DHX9: variants seen among roughly 807,000 people sequenced by gnomAD.
DHX9 encodes DExH-box helicase 9, also known as ATP-dependent RNA helicase A.
A neutral mutation model predicts 148.7 loss-of-function variants in DHX9; 27 were observed. That is an observed-to-expected ratio of 0.18 (90% CI 0.13 to 0.25). The LOEUF is 0.25. Among genes scored for constraint, DHX9 ranks in the 10% least tolerant of loss-of-function variants. DHX9 has a pLI of 1.00. For missense variants in DHX9, 796 were observed against 1,559.6 expected (o/e 0.51, Z 8.25); for synonymous variants, 529 against 516.6 (o/e 1.02, Z -0.33).
rs529990184 is a variant in DHX9, at chr1:182,853,433, G to A, written c.477+15G>A. 23 of 1,569,842 alleles carry A rather than the reference G, an allele frequency of 1.5e-5. No homozygotes were observed. The highest frequency in any genetic ancestry group is 4.5e-5 in the East Asian group (2 of 44,448). ...AAGTGCAAGCGGTAAGGCCAGCACC[G>A]TAGGTTACATCTCTGAGAATGTGAT... On this transcript the variant is annotated intron_variant, in intron 5 of 27. Transcript: ENST00000367549.
intron 2 of DHX9, 62 bp from the exon 3 acceptor site, chr1:182,843,232 G>T: frequency 7.3e-7 from 1 of 1,376,828 alleles, no homozygotes; most frequent in South Asian, 1.7e-5. Flanking sequence ...ACTGAATTAC[G>T]ACTTTTTAAA....
intron 12 of DHX9, among the ~76,000 whole-genome samples, chr1:182,865,858 C>T (rs913116792): frequency 6.6e-6 from 1 of 152,212 alleles, no homozygotes; most frequent in African/African-American, 2.4e-5. Context: ...AAAGATCCAA[C>T]ACTTAAACAT....
chr1:182,868,332 C>T (rs893631998), intron 14 of DHX9, among the ~76,000 whole-genome samples: 10 of 151,638 alleles, frequency 6.6e-5, no homozygotes, highest in African/African-American at 2.4e-4. Context: ...TCTGTGGTGA[C>T]AAAAATCAGT....
At chr1:182,869,827 G>T (rs1484542884) in intron 14 of DHX9, among the ~76,000 whole-genome samples, 1 of 152,204 alleles carries the variant, frequency 6.6e-6, no homozygotes, top group Admixed American at 6.5e-5. Context: ...TCAAACTCCT[G>T]ACCTCAGGTG....
intron 15 of DHX9, among the ~76,000 whole-genome samples, chr1:182,873,278 G>A (rs1346787908): frequency 6.6e-6 from 1 of 152,088 alleles, no homozygotes; most frequent in Non-Finnish European, 1.5e-5. Flanking sequence ...TTTAGGAGTT[G>A]TTACCACAGT....
At chr1:182,863,950 ATTAT>A (rs1212644623) in intron 12 of DHX9, among the ~76,000 whole-genome samples, 3 of 152,132 alleles carry the variant, frequency 2.0e-5, no homozygotes, top group Non-Finnish European at 4.4e-5. Flanking sequence ...AGACAGGTGG[ATTAT>A]TTGAGTGCAG....
intron 3 of DHX9, among the ~76,000 whole-genome samples, chr1:182,850,136 G>A (rs1433609927): frequency 1.3e-5 from 2 of 151,494 alleles, no homozygotes; most frequent in Admixed American, 1.3e-4. Flanking sequence ...CTTCCTCTTG[G>A]TAGAGTGTGG....
intron 16 of DHX9, among the ~76,000 whole-genome samples, chr1:182,875,470 G>T (rs1648717690): frequency 6.6e-6 from 1 of 152,152 alleles, no homozygotes; most frequent in Non-Finnish European, 1.5e-5. Context: ...AAATCAGGGA[G>T]CAATGAGGGA....
At chr1:182,850,854 C>CT (rs370496412) in intron 3 of DHX9, among the ~76,000 whole-genome samples, 1 of 152,316 alleles carries the variant, frequency 6.6e-6, no homozygotes, top group Non-Finnish European at 1.5e-5. Context: ...TATACCTCAC[C>CT]TATTTTAATT....
intron 14 of DHX9, among the ~76,000 whole-genome samples, chr1:182,869,613 T>C (rs1440121947): frequency 6.7e-6 from 1 of 149,710 alleles, no homozygotes; most frequent in African/African-American, 2.6e-5. Flanking sequence ...GGTTTGGTCT[T>C]GTCCAGTCCA....
intron 3 of DHX9, among the ~76,000 whole-genome samples, chr1:182,844,536 TTTTG>T (rs774560579): frequency 4.3e-4 from 66 of 152,236 alleles, no homozygotes; most frequent in African/African-American, 4.3e-4. Flanking sequence ...ATAAGGTTTT[TTTTG>T]TTTGTTTGTT....
intron 14 of DHX9, among the ~76,000 whole-genome samples, chr1:182,867,846 G>A (rs1456336664): frequency 6.6e-6 from 1 of 152,130 alleles, no homozygotes; most frequent in Non-Finnish European, 1.5e-5. Context: ...AAAAAACTGT[G>A]TAAAATCAAC....
In DHX9 at chr1:182,866,559, A is replaced by G; in HGVS notation, c.1448A>G (p.His483Arg). The G allele has an allele frequency of 6.2e-7, 1 of 1,614,164 alleles. No individual in the cohort carries two copies. Among genetic ancestry groups the G allele is most frequent in the Non-Finnish European group, 8.5e-7 (1 of 1,180,014 alleles). ...TTTGAGTCTATACTTCCTCGTCCTCATGCCAGTATAATGTTTTGTACTGTA... is the reference window on the plus strand; with the variant it reads ...TTTGAGTCTATACTTCCTCGTCCTCGTGCCAGTATAATGTTTTGTACTGTA... ...VRFESILPRPHASIMFCTVGV... is the reference protein window; with the variant it reads ...VRFESILPRPRASIMFCTVGV... Residue 483 changes from histidine to arginine, a missense_variant, in exon 13 of 28, where the codon CAT becomes CGT. His to Arg is a conservative substitution (Grantham distance 29, BLOSUM62 0). Coordinates refer to ENST00000367549, the MANE Select transcript of DHX9 (RefSeq NM_001357.5).
At chr1:182,848,259 T>C (rs932325830) in intron 3 of DHX9, among the ~76,000 whole-genome samples, 1 of 152,244 alleles carries the variant, frequency 6.6e-6, no homozygotes, top group Non-Finnish European at 1.5e-5. Flanking sequence ...CTGGAGACCA[T>C]TTTGTCCCCT....
At chr1:182,865,466 A>T (rs868836758) in intron 12 of DHX9, among the ~76,000 whole-genome samples, 13 of 152,362 alleles carry the variant, frequency 8.5e-5, no homozygotes, top group African/African-American at 2.9e-4. Context: ...AAATTCAAGA[A>T]AATGGTGACA....
chr1:182,842,462 C>G, intron 1 of DHX9, 83 bp from the exon 2 acceptor site: 1 of 718,656 alleles, frequency 1.4e-6, no homozygotes, highest in Non-Finnish European at 2.3e-6. Flanking sequence ...TATGTTTAAC[C>G]CAGATTCAGT....
At chr1:182,854,254 T>G in intron 6 of DHX9, 76 bp downstream of exon 6, 1 of 1,341,326 alleles carries the variant, frequency 7.5e-7, no homozygotes, top group South Asian at 1.6e-5. Flanking sequence ...TATAATCTAT[T>G]TTTGTACGTT....
chr1:182,858,092 C>G lies in DHX9; in HGVS notation c.674-12C>G. ...TTTCTTTCTGTCTGATAATCCTGAC[C>G]TTACATTATAGGGATTTTTGCACGA... is the stretch of plus-strand genomic sequence containing the variant. On this transcript the variant is annotated splice_polypyrimidine_tract_variant and intron_variant, in intron 7 of 27. Coordinates refer to ENST00000367549, the MANE Select transcript of DHX9 (RefSeq NM_001357.5). 2 of 1,608,306 alleles carry G rather than the reference C, an allele frequency of 1.2e-6. No homozygotes were observed. Among genetic ancestry groups the G allele is most frequent in the South Asian group, 1.1e-5 (1 of 89,954 alleles).
At chr1:182,881,769 T>C (rs1318635028) in intron 24 of DHX9, 122 bp downstream of exon 24, 1 of 1,035,032 alleles carries the variant, frequency 9.7e-7, no homozygotes, top group Non-Finnish European at 1.4e-6. Flanking sequence ...TATTCCCGAC[T>C]ATTTCTTAGT....
Sources: gnomAD v4.1 joint callset for allele counts (sites outside exome capture counted in the v4.1 genomes callset) on GRCh38, gnomAD v4.1.1 for gene constraint, MANE v1.5 for transcripts, NCBI Gene and HGNC (gene_info 2026-07-23, HGNC 2026-07-21) for gene names.